LRP11: variants seen among roughly 807,000 people sequenced by gnomAD.
LRP11 encodes low-density lipoprotein receptor-related protein 11.
LRP11 carries 25 observed loss-of-function variants against 43.1 expected under a neutral mutation model. The observed-to-expected ratio is 0.58, with a 90% confidence interval of 0.42 to 0.81. The LOEUF (loss-of-function observed/expected upper bound fraction) is 0.81, where lower values mean the gene tolerates loss of function less well. Among genes scored for constraint, LRP11 ranks in the 30% least tolerant of loss-of-function variants. The pLI, the probability that LRP11 is intolerant of heterozygous loss-of-function variation, is 0.00. For synonymous variants in LRP11, 316 were observed against 299.4 expected (o/e 1.06, Z -0.57); for missense variants, 623 against 665.1 (o/e 0.94, Z 0.70).
intron 1 of LRP11, among the ~76,000 whole-genome samples, chr6:149,855,712 T>A (rs59468405): frequency 0.083 from 10,223 of 122,518 alleles, 380 homozygotes; most frequent in Admixed American, 0.11. Flanking sequence ...TTTTTTTTTT[T>A]AAAAAAAAAA....
chr6:149,846,953 T>TAATAGAATAGAATAGAATAGAATAG (rs71010876), intron 2 of LRP11, among the ~76,000 whole-genome samples: 185 of 131,514 alleles, frequency 1.4e-3, no homozygotes, highest in Admixed American at 2.0e-3. Flanking sequence ...TAAAATAAAA[T>TAATAGAATAGAATAGAATAGAATAG]AATAGAATAG....
chr6:149,863,991 G>T lies in LRP11; in HGVS notation c.30C>A (p.Gly10=). Residue 10 remains glycine, a synonymous_variant, in exon 1 of 7, where the codon GGC becomes GGA. Coordinates refer to ENST00000239367, the MANE Select transcript of LRP11 (RefSeq NM_032832.6). ...GACGCGGCGGTAGCCGGCGCTGCGA[G>T]CCCGCGCTCTCCTGGGCGACGGAGG... MASVAQESA[G]SQRRLPPRHG... is the part of the protein sequence containing the mutation. 1.4e-6 allele frequency: 2 copies of T among 1,398,502 alleles called. No individual in the cohort carries two copies. The highest frequency in any genetic ancestry group is 1.8e-6 in the Non-Finnish European group (2 of 1,083,592). 86.6% of individuals were successfully genotyped at this position (1,398,502 alleles called of 1,614,324 possible). A position where few individuals can be genotyped will look rare whatever the true frequency, so the allele number is the denominator to read the frequency against.
In LRP11 at chr6:149,820,329, A is replaced by G; in HGVS notation, c.*220T>C. The G allele has an allele frequency of 2.5e-6, 1 of 393,388 alleles. No homozygotes were observed. Among genetic ancestry groups the G allele is most frequent in the Non-Finnish European group, 4.5e-6 (1 of 220,648 alleles). The allele number at this position is 393,388 out of a possible 1,614,324, so 24.4% of individuals were successfully genotyped here. A position where few individuals can be genotyped will look rare whatever the true frequency, so the allele number is the denominator to read the frequency against. On this transcript the variant is annotated 3_prime_UTR_variant, in exon 7 of 7. Coordinates refer to ENST00000239367, the MANE Select transcript of LRP11 (RefSeq NM_032832.6). The stretch of plus-strand genomic sequence containing the variant: ...GACAGCTTACATAAATCAGAATTAT[A>G]TTTTTAGGAATCTTTAATCATGAAT...
chr6:149,830,272 A>G (rs1368147188), intron 5 of LRP11, among the ~76,000 whole-genome samples: 2 of 152,094 alleles, frequency 1.3e-5, no homozygotes, highest in African/African-American at 4.8e-5. Context: ...TGGCCTCCCA[A>G]AGTGCTGGAA....
At chr6:149,842,922 G>T in intron 3 of LRP11, 61 bp downstream of exon 3, 1 of 1,600,052 alleles carries the variant, frequency 6.2e-7, no homozygotes, top group Admixed American at 1.7e-5. Flanking sequence ...AGAGGACAAA[G>T]CGCCAACCCG....
rs1054541305 is a variant in LRP11, at chr6:149,819,639, C to T, written c.*910G>A. 5 of 152,494 alleles carry T rather than the reference C, an allele frequency of 3.3e-5. No individual in the cohort carries two copies. Among genetic ancestry groups the T allele is most frequent in the African/African-American group, 1.2e-4 (5 of 41,408 alleles). 9.4% of individuals were successfully genotyped at this position (152,494 alleles called of 1,614,324 possible). A position where few individuals can be genotyped will look rare whatever the true frequency, so the allele number is the denominator to read the frequency against. ...TGGTGACATTTTTACAAAAGCTGTACCCAGGAATCCACTCAACGTCCTCTC... is the reference window on the plus strand; with the variant it reads ...TGGTGACATTTTTACAAAAGCTGTATCCAGGAATCCACTCAACGTCCTCTC... On this transcript the variant is annotated 3_prime_UTR_variant, in exon 7 of 7. Transcript: ENST00000239367.
chr6:149,850,871 A>G (rs1776708500), intron 2 of LRP11, among the ~76,000 whole-genome samples: 1 of 152,164 alleles, frequency 6.6e-6, no homozygotes, highest in African/African-American at 2.4e-5. Context: ...GTCTTCCACA[A>G]TGTTTCCTGA....
chr6:149,842,866 A>G lies in LRP11; in HGVS notation c.913+117T>C, dbSNP rs187846237. ...GTTTTTAGCAAAGACTCTCTCATTC[A>G]GCAATAACCAAAAATAAAATGGAAG... is the stretch of plus-strand genomic sequence containing the variant. On this transcript the variant is annotated intron_variant, in intron 3 of 6. Transcript: ENST00000239367. 1.6e-3 allele frequency: 2,058 copies of G among 1,300,288 alleles called. 23 individuals are homozygous for G. In the African/African-American group the frequency reaches 0.025, roughly 16 times the overall value. The allele number at this position is 1,300,288 out of a possible 1,614,324, so 80.5% of individuals were successfully genotyped here.
intron 3 of LRP11, among the ~76,000 whole-genome samples, chr6:149,839,505 T>C (rs1562440434): frequency 2.0e-5 from 3 of 152,218 alleles, no homozygotes; most frequent in Admixed American, 2.0e-4. Flanking sequence ...AAATCCCAGA[T>C]ATCTCAAGGT....
rs1287509121 is a variant in LRP11 at position 149,863,580 on chromosome 6, C to A, written c.441G>T (p.Leu147=). 7.1e-7 allele frequency: 1 copy of A among 1,410,910 alleles called. No homozygotes were observed. 87.4% of individuals were successfully genotyped at this position (1,410,910 alleles called of 1,614,324 possible). A position where few individuals can be genotyped will look rare whatever the true frequency, so the allele number is the denominator to read the frequency against. Residue 147 remains leucine, a synonymous_variant, in exon 1 of 7, where the codon CTG becomes CTT. Transcript: ENST00000239367. ...EPRCSVAVVE[L]PRRPAPPAAV... is the part of the protein sequence containing the mutation. The stretch of plus-strand genomic sequence containing the variant: ...CTGCCGGGGGCGCGGGGCGCCGGGG[C>A]AGCTCCACCACGGCCACGGAGCAGC...
At chr6:149,837,292 C>T in intron 4 of LRP11, 46 bp downstream of exon 4, 1 of 1,595,760 alleles carries the variant, frequency 6.3e-7, no homozygotes, top group Non-Finnish European at 8.6e-7. Flanking sequence ...CCTCCCAACT[C>T]CATCCCTTCC....
At chr6:149,826,414 A>C in intron 5 of LRP11, 55 bp from the exon 6 acceptor site, 3 of 1,273,508 alleles carry the variant, frequency 2.4e-6, no homozygotes, top group Non-Finnish European at 3.4e-6. Context: ...AAACTTCAGG[A>C]AACAAATGTG....
chr6:149,863,693 A>T lies in LRP11; in HGVS notation c.328T>A (p.Ser110Thr). The change falls in exon 1 of 7, where the codon TCC becomes ACC. Residue 110 changes from serine (S) to threonine (T), a missense_variant. By Grantham distance (58) the Ser-to-Thr change is moderately conservative (BLOSUM62 1). Transcript: ENST00000239367. ...AGGAAGCTGGCACCCGCCGCCAGGG[A>T]GTCCTTGGTGCGGATGATGGCGTCA... ...MPDAIIRTKD[S>T]LAAGASFLRA... is the part of the protein sequence containing the mutation. The T allele has an allele frequency of 6.8e-7, 1 of 1,479,458 alleles. No homozygotes were observed. Among genetic ancestry groups the T allele is most frequent in the Non-Finnish European group, 8.9e-7 (1 of 1,122,112 alleles). The allele number at this position is 1,479,458 out of a possible 1,614,324, so 91.6% of individuals were successfully genotyped here.
chr6:149,841,533 C>T (rs1178440237), intron 3 of LRP11, among the ~76,000 whole-genome samples: 4 of 152,206 alleles, frequency 2.6e-5, no homozygotes, highest in Non-Finnish European at 4.4e-5. Flanking sequence ...GAGGGGTTCC[C>T]TCTACAATAC....
intron 1 of LRP11, among the ~76,000 whole-genome samples, chr6:149,853,682 T>C (rs1254843583): frequency 6.6e-6 from 1 of 152,158 alleles, no homozygotes; most frequent in Non-Finnish European, 1.5e-5. Context: ...TAATTGTTTT[T>C]TGTATTTTTA....
chr6:149,838,684 C>T (rs75371160), intron 3 of LRP11, among the ~76,000 whole-genome samples: 5 of 92,010 alleles, frequency 5.4e-5, no homozygotes, highest in Non-Finnish European at 1.1e-4. Flanking sequence ...GACTCTGTCT[C>T]AAAAAAAAAA....
At chr6:149,853,190 G>T in intron 1 of LRP11, 30 bp from the exon 2 acceptor site, 1 of 1,510,166 alleles carries the variant, frequency 6.6e-7, no homozygotes, top group African/African-American at 1.4e-5. Flanking sequence ...ATTCATAAAA[G>T]ATGATTTCTT....
chr6:149,836,342 GA>G (rs763570132), intron 4 of LRP11, 45 bp from the exon 5 acceptor site: 6 of 1,541,958 alleles, frequency 3.9e-6, no homozygotes, highest in South Asian at 1.1e-5. Context: ...TTTCTTTTCT[GA>G]GCTTTAATAC....
At chr6:149,860,486 C>T (rs1489875282) in intron 1 of LRP11, among the ~76,000 whole-genome samples, 2 of 149,664 alleles carry the variant, frequency 1.3e-5, no homozygotes, top group African/African-American at 4.9e-5. Flanking sequence ...CATGACCCAA[C>T]CAGGTTCCTA....
Sources: allele counts gnomAD v4.1 joint callset (sites outside exome capture counted in the v4.1 genomes callset), GRCh38; gene constraint gnomAD v4.1.1; transcripts MANE v1.5; gene names NCBI Gene and HGNC (gene_info 2026-07-23, HGNC 2026-07-21).